Variants in PXDNL observed in about 807,000 individuals in gnomAD.
PXDNL encodes the protein probable oxidoreductase PXDNL.
In PXDNL, 145 loss-of-function variants were observed where a neutral mutation model predicts 150.8. The observed-to-expected ratio is 0.96, with a 90% CI of 0.84 to 1.10. The LOEUF is 1.10. PXDNL is among the 50% of genes least tolerant of loss of function. The pLI, the probability that PXDNL is intolerant of heterozygous loss-of-function variation, is 0.00. For missense variants in PXDNL, 2,087 were observed against 1,873.9 expected, an observed-to-expected ratio of 1.11 and a Z score of -2.10; for synonymous variants, 757 against 725.7, an observed-to-expected ratio of 1.04 and a Z score of -0.69.
chr8:51,724,609 C>G (rs4242469), intron 1 of PXDNL, among the ~76,000 whole-genome samples: 1 of 152,162 alleles, frequency 6.6e-6, no homozygotes, highest in South Asian at 2.1e-4. Context: ...TGCCACCATA[C>G]ATAGTTCTCC....
At chr8:51,456,313 T>G (rs982525163) in intron 9 of PXDNL, among the ~76,000 whole-genome samples, 10 of 152,216 alleles carry the variant, frequency 6.6e-5, no homozygotes, top group Admixed American at 4.6e-4. Context: ...TTGCTCTGTC[T>G]TCCCTATGCT....
intron 2 of PXDNL, among the ~76,000 whole-genome samples, chr8:51,602,700 T>C (rs1471593689): frequency 6.6e-6 from 1 of 151,700 alleles, no homozygotes; most frequent in African/African-American, 2.4e-5. Flanking sequence ...ATATTTTCAC[T>C]TTGTTTTGTA....
rs1812199322 is a variant in PXDNL at position 51,540,834 on chromosome 8, T to TGTATCAC, written c.380+15999_380+16005dup. The stretch of plus-strand genomic sequence containing the variant: ...GAATTTGTTTATTTCTTTTTTCAGT[T>TGTATCAC]GTATCACATTTTGGCACCTTGTATT... On this transcript the variant is annotated intron_variant, in intron 4 of 22. Transcript: ENST00000356297. 1.3e-5 allele frequency among the ~76,000 whole-genome samples: 2 copies of TGTATCAC among 152,204 alleles called. 1 individual carries two copies. The highest frequency in any genetic ancestry group is 4.1e-4 in the South Asian group (2 of 4,832).
rs371459568 is a variant in PXDNL, at chr8:51,715,644, G to A, written c.165-60884C>T. On this transcript the variant is annotated intron_variant, in intron 1 of 22. Transcript: ENST00000356297. ...ACACGTAGCAAAGCACCTGCCATAT[G>A]AGGAGGTCTGCAAATGCTACAATAG... 3.3e-5 allele frequency among the ~76,000 whole-genome samples: 5 copies of A among 152,266 alleles called. No individual in the cohort carries two copies. In the East Asian group the frequency reaches 5.8e-4, roughly 18 times the overall value.
At chr8:51,634,180 C>T (rs182718550) in intron 2 of PXDNL, among the ~76,000 whole-genome samples, 51 of 152,172 alleles carry the variant, frequency 3.4e-4, no homozygotes, top group African/African-American at 1.1e-3. Context: ...GATCCAGTAT[C>T]CTTCTTCTGC....
intron 12 of PXDNL, among the ~76,000 whole-genome samples, chr8:51,433,177 C>G (rs1809298213): frequency 6.6e-6 from 1 of 150,404 alleles, no homozygotes; most frequent in African/African-American, 2.4e-5. Flanking sequence ...CCACAGCACT[C>G]CAGCCTGGGT....
At chr8:51,400,621 G>A (rs2130862119) in intron 17 of PXDNL, among the ~76,000 whole-genome samples, 1 of 152,232 alleles carries the variant, frequency 6.6e-6, no homozygotes, top group South Asian at 2.1e-4. Context: ...TTTTAATATG[G>A]CCTTGTCACT....
intron 17 of PXDNL, among the ~76,000 whole-genome samples, chr8:51,385,527 C>A (rs59313662): frequency 0.029 from 4,364 of 152,240 alleles, 209 homozygotes; most frequent in African/African-American, 0.1. Flanking sequence ...CCTGAGTTTT[C>A]TAGCCACCAA....
intron 1 of PXDNL, among the ~76,000 whole-genome samples, chr8:51,719,322 T>C (rs991227272): frequency 6.6e-6 from 1 of 152,198 alleles, no homozygotes; most frequent in Non-Finnish European, 1.5e-5. Context: ...CTTGGGATGC[T>C]GTTGATCTAT....
At chr8:51,533,297 T>C (rs61566828) in intron 4 of PXDNL, among the ~76,000 whole-genome samples, 2,324 of 152,114 alleles carry the variant, frequency 0.015, 32 homozygotes, top group African/African-American at 0.035. Flanking sequence ...ATCACAGGCA[T>C]GCACCACCAC....
intron 1 of PXDNL, among the ~76,000 whole-genome samples, chr8:51,725,746 G>C (rs763754918): frequency 2.6e-5 from 4 of 152,240 alleles, no homozygotes; most frequent in Non-Finnish European, 4.4e-5. Flanking sequence ...ATAGAACCCA[G>C]TTCTCTTTAG....
chr8:51,698,686 T>C (rs762100200), intron 1 of PXDNL, among the ~76,000 whole-genome samples: 9 of 152,210 alleles, frequency 5.9e-5, no homozygotes, highest in Non-Finnish European at 1.3e-4. Context: ...GTAAATCCTT[T>C]CCAGAAACCT....
intron 9 of PXDNL, among the ~76,000 whole-genome samples, chr8:51,456,651 G>A (rs888335446): frequency 4.6e-5 from 7 of 151,886 alleles, no homozygotes; most frequent in African/African-American, 7.3e-5. Flanking sequence ...TATTATCTTC[G>A]GTCTCAGGGT....
At chr8:51,625,888 A>G (rs1258784764) in intron 2 of PXDNL, among the ~76,000 whole-genome samples, 1 of 152,220 alleles carries the variant, frequency 6.6e-6, no homozygotes, top group Non-Finnish European at 1.5e-5. Context: ...CTTACTTAAC[A>G]GCCAAGCGAA....
At chr8:51,572,280 T>G (rs1177205396) in intron 3 of PXDNL, among the ~76,000 whole-genome samples, 3 of 151,914 alleles carry the variant, frequency 2.0e-5, no homozygotes, top group Non-Finnish European at 4.4e-5. Context: ...GCAGTATTCA[T>G]AGCAGCATAA....
intron 1 of PXDNL, among the ~76,000 whole-genome samples, chr8:51,805,874 G>A (rs7011225): frequency 0.2 from 30,134 of 152,010 alleles, 4,679 homozygotes; most frequent in African/African-American, 0.42. Flanking sequence ...CCTGGAATAG[G>A]ATGGAGTCAA....
chr8:51,547,154 T>C (rs1367789009), intron 4 of PXDNL, among the ~76,000 whole-genome samples: 6 of 152,096 alleles, frequency 3.9e-5, no homozygotes, highest in Admixed American at 3.9e-4. Flanking sequence ...TCCTGACCAA[T>C]GTAGGGCAAA....
chr8:51,393,500 G>C (rs182714003), intron 17 of PXDNL, among the ~76,000 whole-genome samples: 1 of 152,322 alleles, frequency 6.6e-6, no homozygotes, highest in East Asian at 1.9e-4. Flanking sequence ...GTTTCTCATA[G>C]TCTCCTTCTA....
intron 11 of PXDNL, among the ~76,000 whole-genome samples, chr8:51,447,517 T>C (rs1809703413): frequency 6.6e-6 from 1 of 152,214 alleles, no homozygotes; most frequent in African/African-American, 2.4e-5. Flanking sequence ...TTCGTGACAG[T>C]TGTTTATCAT....
Sources: allele counts gnomAD v4.1 joint callset (sites outside exome capture counted in the v4.1 genomes callset), GRCh38; gene constraint gnomAD v4.1.1; transcripts MANE v1.5; gene names NCBI Gene and HGNC (gene_info 2026-07-23, HGNC 2026-07-21).